Variants in ESRRB observed in about 807,000 individuals in gnomAD.
ESRRB encodes the protein steroid hormone receptor ERR2.
In ESRRB, 16 loss-of-function variants were observed where a neutral mutation model predicts 46.0. The ratio of observed to expected loss-of-function variants is 0.35; its 90% CI spans 0.24 to 0.53. The LOEUF (loss-of-function observed/expected upper bound fraction) is 0.53, where lower values mean the gene tolerates loss of function less well. ESRRB is among the 20% of genes least tolerant of loss of function. The pLI is 0.93. For synonymous variants in ESRRB, 246 were observed against 259.6 expected (o/e 0.95, Z 0.50); for missense variants, 488 against 607.4 (o/e 0.80, Z 2.07).
rs1003506212 is a variant in ESRRB, at chr14:76,376,235, G to C, written c.-167G>C. ...GTGGAGAGCTGGGCTGTGCGCGCACGGCTCTCTGCCTCCCTCTCCCCCGCC... is the reference window on the plus strand; with the variant it reads ...GTGGAGAGCTGGGCTGTGCGCGCACCGCTCTCTGCCTCCCTCTCCCCCGCC... On this transcript the variant is annotated 5_prime_UTR_variant, in exon 1 of 7. Coordinates refer to ENST00000644823, the MANE Select transcript of ESRRB (RefSeq NM_001379180.1). The surrounding 1 kb of genome is among the most constrained non-coding windows in gnomAD (Gnocchi z 4.1). 1.2e-5 allele frequency: 5 copies of C among 411,738 alleles called. No individual in the cohort carries two copies. Among genetic ancestry groups the C allele is most frequent in the South Asian group, 1.3e-4 (1 of 7,426 alleles). 25.5% of individuals were successfully genotyped at this position (411,738 alleles called of 1,614,324 possible).
chr14:76,415,034 C>T (rs1216603775), intron 1 of ESRRB, among the ~76,000 whole-genome samples: 1 of 152,254 alleles, frequency 6.6e-6, no homozygotes, highest in Non-Finnish European at 1.5e-5. Context: ...TTCAATATCA[C>T]AGCTACCTCT....
intron 1 of ESRRB, among the ~76,000 whole-genome samples, chr14:76,323,048 C>G (rs1283074164): frequency 6.6e-6 from 1 of 152,170 alleles, no homozygotes; most frequent in Non-Finnish European, 1.5e-5. Context: ...AGTCTCCCTT[C>G]TGAATGCAGT....
upstream of ESRRB, among the ~76,000 whole-genome samples, chr14:76,371,915 G>A (rs887697780): frequency 6.6e-6 from 1 of 152,132 alleles, no homozygotes; most frequent in African/African-American, 2.4e-5. Context: ...GAGGGGATTT[G>A]AGGACCTAAG....
intron 1 of ESRRB, among the ~76,000 whole-genome samples, chr14:76,340,322 C>T (rs1490997411): frequency 6.6e-6 from 1 of 152,222 alleles, no homozygotes; most frequent in Non-Finnish European, 1.5e-5. Context: ...CCTGTGCCCC[C>T]GGCCCATGCT....
At chr14:76,397,819 A>G (rs1352402569) in intron 1 of ESRRB, among the ~76,000 whole-genome samples, 3 of 152,232 alleles carry the variant, frequency 2.0e-5, no homozygotes, top group Non-Finnish European at 2.9e-5. Context: ...TCGAGGTTTG[A>G]TACTCAGAAA....
chr14:76,415,144 C>T (rs1042049199), intron 1 of ESRRB, among the ~76,000 whole-genome samples: 9 of 152,098 alleles, frequency 5.9e-5, no homozygotes, highest in South Asian at 2.1e-4. Context: ...ACTGGCAAGA[C>T]GCTAACTCCA....
chr14:76,469,417 A>G (rs766855221), intron 3 of ESRRB, among the ~76,000 whole-genome samples: 1 of 152,180 alleles, frequency 6.6e-6, no homozygotes, highest in East Asian at 1.9e-4. Flanking sequence ...CTTCATTCCT[A>G]TAGTATCTTC....
intron 5 of ESRRB, among the ~76,000 whole-genome samples, chr14:76,487,399 C>G (rs1401804800): frequency 6.6e-6 from 1 of 152,058 alleles, no homozygotes; most frequent in Non-Finnish European, 1.5e-5. Flanking sequence ...CCCTTTTTGC[C>G]CCCTTGGCTG....
At chr14:76,497,313 C>T (rs1890470470) in intron 6 of ESRRB, among the ~76,000 whole-genome samples, 2 of 152,250 alleles carry the variant, frequency 1.3e-5, no homozygotes, top group East Asian at 1.9e-4. Flanking sequence ...TGAGTCCCCA[C>T]AGGAATAACA....
At chr14:76,466,288 T>C (rs1305926810) in intron 3 of ESRRB, among the ~76,000 whole-genome samples, 1 of 152,094 alleles carries the variant, frequency 6.6e-6, no homozygotes, top group Non-Finnish European at 1.5e-5. Flanking sequence ...CCTCCCGCCC[T>C]CATCCAGCCA....
intron 1 of ESRRB, among the ~76,000 whole-genome samples, chr14:76,391,424 A>G (rs1311350711): frequency 6.6e-6 from 1 of 152,254 alleles, no homozygotes; most frequent in Admixed American, 6.5e-5. Context: ...TGGCAAGTGC[A>G]CTACAAGCCC....
intron 3 of ESRRB, among the ~76,000 whole-genome samples, chr14:76,474,175 TCTGA>T (rs1889481938): frequency 6.6e-6 from 1 of 152,222 alleles, no homozygotes; most frequent in South Asian, 2.1e-4. Context: ...GTTTAATACA[TCTGA>T]CTGACAGTAG....
At chr14:76,494,871 A>C (rs1239331525) in intron 6 of ESRRB, among the ~76,000 whole-genome samples, 1 of 152,160 alleles carries the variant, frequency 6.6e-6, no homozygotes, top group Non-Finnish European at 1.5e-5. Context: ...GGGCTCTCCT[A>C]ACTTACACCA....
At chr14:76,463,445 G>GTTTTTTTTGTTTTTTGTT (rs1362309981) in intron 3 of ESRRB, 1 of 114,738 alleles carries the variant, frequency 8.7e-6, no homozygotes, top group Non-Finnish European at 1.8e-5. Flanking sequence ...ATGCTTCTTT[G>GTTTTTTTTGTTTTTTGTT]TTTTTTTTTT....
chr14:76,498,245 C>T lies in ESRRB; in HGVS notation c.1152C>T (p.Val384=). The T allele has an allele frequency of 6.2e-7, 1 of 1,613,884 alleles. No individual in the cohort carries two copies. Among genetic ancestry groups the T allele is most frequent in the Non-Finnish European group, 8.5e-7 (1 of 1,180,016 alleles). ...DSMYIEDLEA[V]QKLQDLLHEA... is the part of the protein sequence containing the mutation. ...TGTACATCGAGGATCTAGAGGCTGT[C>T]CAGAAGCTGCAGGACCTGCTGCACG... The change falls in exon 7 of 7, where the codon GTC becomes GTT. Residue 384 remains valine, a synonymous_variant. Transcript: ENST00000644823.
intron 6 of ESRRB, among the ~76,000 whole-genome samples, chr14:76,493,638 G>A (rs1225087068): frequency 2.0e-5 from 3 of 152,190 alleles, no homozygotes; most frequent in African/African-American, 7.2e-5. Flanking sequence ...TACACACAGG[G>A]TAACCAACTG....
At chr14:76,373,465 G>A (rs770719207), upstream of ESRRB, among the ~76,000 whole-genome samples, 38 of 152,276 alleles carry the variant, frequency 2.5e-4, no homozygotes, top group Non-Finnish European at 3.2e-4. Context: ...CAGAGGCATG[G>A]AGCCTAACCC....
intron 2 of ESRRB, among the ~76,000 whole-genome samples, chr14:76,449,790 C>A (rs1888309005): frequency 7.7e-6 from 1 of 130,674 alleles, no homozygotes; most frequent in Non-Finnish European, 1.6e-5. Flanking sequence ...GTCCTTGGGA[C>A]AGGGTCTTGC....
At chr14:76,344,207 T>C (rs553145387) in intron 1 of ESRRB, among the ~76,000 whole-genome samples, 24 of 152,384 alleles carry the variant, frequency 1.6e-4, no homozygotes, top group Middle Eastern at 3.4e-3. Flanking sequence ...GAATAATGCC[T>C]GGCATGTGTT....
Sources: gnomAD v4.1 joint callset for allele counts (sites outside exome capture counted in the v4.1 genomes callset) on GRCh38, gnomAD v4.1.1 for gene constraint, Gnocchi (gnomAD v3.1) non-coding constraint, MANE v1.5 for transcripts, NCBI Gene and HGNC (gene_info 2026-07-23, HGNC 2026-07-21) for gene names.